SOHLH2: variants seen among roughly 807,000 people sequenced by gnomAD.
SOHLH2 encodes the protein spermatogenesis and oogenesis specific basic helix-loop-helix 2.
In SOHLH2, 22 loss-of-function variants were observed where a neutral mutation model predicts 50.4. That is an observed-to-expected ratio of 0.44 (90% CI 0.31 to 0.62). The LOEUF is 0.62. Among genes scored for constraint, SOHLH2 ranks in the 20% least tolerant of loss-of-function variants. SOHLH2 has a pLI of 0.08. For missense variants in SOHLH2, 412 were observed against 504.4 expected (o/e 0.82, Z 1.76); for synonymous variants, 185 against 187.3 (o/e 0.99, Z 0.10).
intron 2 of SOHLH2, 134 bp downstream of exon 2, chr13:36,201,745 C>A: frequency 7.6e-7 from 1 of 1,320,606 alleles, no homozygotes; most frequent in Non-Finnish European, 1.0e-6. Context: ...GCCAGGATTA[C>A]ACGCATGAGC....
intron 6 of SOHLH2, among the ~76,000 whole-genome samples, chr13:36,175,771 G>A (rs1036503267): frequency 2.6e-5 from 4 of 152,082 alleles, no homozygotes; most frequent in African/African-American, 4.8e-5. Context: ...TTCTACATCA[G>A]TGGTGTTCTC....
At chr13:36,200,673 T>C (rs1415633898) in intron 2 of SOHLH2, among the ~76,000 whole-genome samples, 2 of 152,128 alleles carry the variant, frequency 1.3e-5, no homozygotes, top group Non-Finnish European at 2.9e-5. Flanking sequence ...TCTAACCCTA[T>C]CTAAATACAT....
In SOHLH2 at chr13:36,170,600, G is replaced by A; in HGVS notation, c.1188C>T (p.Val396=). 1 of 1,614,204 alleles carries A rather than the reference G, an allele frequency of 6.2e-7. No individual in the cohort carries two copies. The highest frequency in any genetic ancestry group is 1.1e-5 in the South Asian group (1 of 91,080). The change falls in exon 10 of 11, where the codon GTC becomes GTT. Residue 396 remains valine, a synonymous_variant. Coordinates refer to ENST00000379881, the MANE Select transcript of SOHLH2 (RefSeq NM_017826.3). ...SIHLPSAMPP[V]SKLLPRHCTS... The stretch of plus-strand genomic sequence containing the variant: ...TGCAGTGCCGAGGGAGAAGCTTTGA[G>A]ACCGGGGGCATGGCTGAAGGTAAAT...
At chr13:36,210,885 C>G (rs1484724883) in intron 1 of SOHLH2, among the ~76,000 whole-genome samples, 1 of 152,120 alleles carries the variant, frequency 6.6e-6, no homozygotes, top group East Asian at 1.9e-4. Context: ...AGTGTGTTTC[C>G]TTTTCATTTT....
Position 36,168,912 on chromosome 13 carries a change from C to A in SOHLH2, c.*122G>T. ...TGCATTTATCAGAAGCCAAACCATGCCAACTCTTTTGATATTAGGTCTTTG... is the reference window on the plus strand; with the variant it reads ...TGCATTTATCAGAAGCCAAACCATGACAACTCTTTTGATATTAGGTCTTTG... On this transcript the variant is annotated 3_prime_UTR_variant, in exon 11 of 11. Coordinates refer to ENST00000379881, the MANE Select transcript of SOHLH2 (RefSeq NM_017826.3). 1 of 1,454,130 alleles carries A rather than the reference C, an allele frequency of 6.9e-7. No individual in the cohort carries two copies. Among genetic ancestry groups the A allele is most frequent in the Admixed American group, 2.6e-5 (1 of 38,468 alleles). 90.1% of individuals were successfully genotyped at this position (1,454,130 alleles called of 1,614,324 possible).
At chr13:36,170,973 C>G (rs1244835500) in intron 9 of SOHLH2, among the ~76,000 whole-genome samples, 186 bp from the exon 10 acceptor site, 1 of 152,124 alleles carries the variant, frequency 6.6e-6, no homozygotes, top group Admixed American at 6.5e-5. Context: ...GTGCAATACA[C>G]ACACTATAAA....
At chr13:36,203,831 T>G (rs576078203) in intron 1 of SOHLH2, among the ~76,000 whole-genome samples, 13 of 152,284 alleles carry the variant, frequency 8.5e-5, no homozygotes, top group African/African-American at 3.1e-4. Flanking sequence ...TTTACTCCCT[T>G]TGCTCACCTT....
chr13:36,204,117 A>AT (rs199558352), intron 1 of SOHLH2, among the ~76,000 whole-genome samples: 4,012 of 151,434 alleles, frequency 0.026, 83 homozygotes, highest in East Asian at 0.077. Flanking sequence ...TGCCTGGCTG[A>AT]TTTTTTTATT....
chr13:36,175,196 ACC>A (rs1456215927), intron 6 of SOHLH2, among the ~76,000 whole-genome samples: 1 of 151,960 alleles, frequency 6.6e-6, no homozygotes, highest in East Asian at 1.9e-4. Flanking sequence ...CACCCTTCCC[ACC>A]CCCTGCTGCC....
chr13:36,202,121 C>T (rs760460143), intron 1 of SOHLH2, 28 bp from the exon 2 acceptor site: 2 of 1,612,022 alleles, frequency 1.2e-6, no homozygotes, highest in Non-Finnish European at 1.7e-6. Flanking sequence ...AGAGGCGTCA[C>T]ATAATTATTG....
At chr13:36,186,305 C>T (rs1321191901) in intron 6 of SOHLH2, among the ~76,000 whole-genome samples, 1 of 151,972 alleles carries the variant, frequency 6.6e-6, no homozygotes, top group Non-Finnish European at 1.5e-5. Flanking sequence ...AAAAAGCATG[C>T]ACAAAAGGCC....
At chr13:36,171,932 T>C (rs1020221630) in intron 9 of SOHLH2, among the ~76,000 whole-genome samples, 1 of 152,060 alleles carries the variant, frequency 6.6e-6, no homozygotes, top group African/African-American at 2.4e-5. Flanking sequence ...GAAAAATATA[T>C]CTGGAAGAAG....
intron 6 of SOHLH2, among the ~76,000 whole-genome samples, chr13:36,185,698 C>A (rs915005992): frequency 1.3e-5 from 2 of 151,964 alleles, no homozygotes; most frequent in Non-Finnish European, 2.9e-5. Flanking sequence ...TCATCACAGA[C>A]CTGTAGATGT....
At chr13:36,185,619 T>A (rs1283089108) in intron 6 of SOHLH2, among the ~76,000 whole-genome samples, 2 of 152,090 alleles carry the variant, frequency 1.3e-5, no homozygotes, top group Admixed American at 6.5e-5. Flanking sequence ...GACAAACCTT[T>A]TTTTGCTAGA....
intron 1 of SOHLH2, among the ~76,000 whole-genome samples, chr13:36,210,765 T>C (rs1869071166): frequency 6.6e-6 from 1 of 152,206 alleles, no homozygotes; most frequent in East Asian, 1.9e-4. Flanking sequence ...ACTTCAAACT[T>C]ATTTCCTTCT....
intron 2 of SOHLH2, among the ~76,000 whole-genome samples, chr13:36,201,066 A>AAG (rs1566044712): frequency 1.3e-5 from 2 of 150,812 alleles, no homozygotes; most frequent in Non-Finnish European, 3.0e-5. Context: ...AAAAAAAAAA[A>AAG]AAAAAGAAAA....
chr13:36,206,949 AT>A (rs1271386598), intron 1 of SOHLH2, among the ~76,000 whole-genome samples: 2 of 151,716 alleles, frequency 1.3e-5, no homozygotes, highest in Non-Finnish European at 2.9e-5. Context: ...ATGATTCTAT[AT>A]AGCAAATACT....
intron 6 of SOHLH2, among the ~76,000 whole-genome samples, chr13:36,189,528 C>T (rs976981603): frequency 8.5e-5 from 13 of 152,156 alleles, no homozygotes; most frequent in South Asian, 6.2e-4. Flanking sequence ...TTAATTGCAA[C>T]GTGTGGAAAG....
intron 1 of SOHLH2, among the ~76,000 whole-genome samples, chr13:36,206,216 T>C (rs969824735): frequency 7.2e-5 from 11 of 151,982 alleles, no homozygotes; most frequent in South Asian, 4.1e-4. Context: ...AACATCCTCA[T>C]GTGGTAAGTG....
Sources: allele counts gnomAD v4.1 joint callset (sites outside exome capture counted in the v4.1 genomes callset), GRCh38; gene constraint gnomAD v4.1.1; transcripts MANE v1.5; gene names NCBI Gene and HGNC (gene_info 2026-07-23, HGNC 2026-07-21).